The following RIPK1 variants were observed in gnomAD, a reference collection of about 807,000 sequenced individuals.
RIPK1 encodes receptor-interacting serine/threonine-protein kinase 1.
A neutral mutation model predicts 62.4 loss-of-function variants in RIPK1; 27 were observed. That is an observed-to-expected ratio of 0.43 (90% CI 0.32 to 0.60). The LOEUF (loss-of-function observed/expected upper bound fraction) is 0.60, where lower values mean the gene tolerates loss of function less well. Among genes scored for constraint, RIPK1 ranks in the 20% least tolerant of loss-of-function variants. The pLI is 0.07. For missense variants in RIPK1, 735 were observed against 831.0 expected (o/e 0.88, Z 1.42); for synonymous variants, 287 against 303.2 (o/e 0.95, Z 0.55).
At chr6:3,065,140 C>T (rs1758320613), upstream of RIPK1, among the ~76,000 whole-genome samples, 3 of 151,688 alleles carry the variant, frequency 2.0e-5, no homozygotes. Context: ...GCCTGTAGTC[C>T]CAGCTACTCG....
rs372658949 is a variant in RIPK1 at position 3,077,839 on chromosome 6, G to A, written c.225G>A (p.Val75=). 2 of 1,614,218 alleles carry A rather than the reference G, an allele frequency of 1.2e-6. No individual in the cohort carries two copies. Among genetic ancestry groups the A allele is most frequent in the African/African-American group, 2.7e-5 (2 of 75,062 alleles). Residue 75 remains valine (V), a synonymous_variant, in exon 3 of 11, where the codon GTG becomes GTA. Coordinates refer to ENST00000259808, the MANE Select transcript of RIPK1 (RefSeq NM_001354930.2). ...KMMNRLRHSR[V]VKLLGVIIEE... ...TGAACAGACTGAGACACAGCCGGGT[G>A]GTGAAGCTCCTGGGCGTCATCATAG...
chr6:3,098,179 A>G (rs190114217), intron 7 of RIPK1, among the ~76,000 whole-genome samples: 38 of 152,256 alleles, frequency 2.5e-4, no homozygotes, highest in African/African-American at 8.9e-4. Flanking sequence ...CCCATCTCCA[A>G]TAAATAAATA....
chr6:3,064,183 G>A (rs1194014327), upstream of RIPK1: 1 of 152,382 alleles, frequency 6.6e-6, no homozygotes, highest in African/African-American at 2.4e-5. Flanking sequence ...GCCCCGGGGA[G>A]GCGGTGGTGT....
rs1227284186 is a variant in RIPK1 at position 3,113,848 on chromosome 6, G to T, written c.*509G>T. 6.5e-6 allele frequency: 1 copy of T among 152,710 alleles called. No individual in the cohort carries two copies. The allele number at this position is 152,710 out of a possible 1,614,324, so 9.5% of individuals were successfully genotyped here. On this transcript the variant is annotated 3_prime_UTR_variant, in exon 11 of 11. Coordinates refer to ENST00000259808, the MANE Select transcript of RIPK1 (RefSeq NM_001354930.2). The surrounding 1 kb of genome is among the most constrained non-coding windows in gnomAD (Gnocchi z 5.0). Reference sequence around the variant, plus strand: ...ATTGTGTGCTCTCTTCTTCACGTAGGCTCCTGTTAAAAACAAAGTGCAGTC... The same window carrying T: ...ATTGTGTGCTCTCTTCTTCACGTAGTCTCCTGTTAAAAACAAAGTGCAGTC...
rs1408697328 is a variant in RIPK1 at position 3,083,201 on chromosome 6, C to T, written c.576C>T (p.Tyr192=). ...TAKKNGGTLY[Y]MAPEHLNDVN... Reference sequence around the variant, plus strand: ...AGAAGAATGGCGGCACCCTCTACTACATGGCGCCCGAGCACCTGAATGACG... The same window carrying T: ...AGAAGAATGGCGGCACCCTCTACTATATGGCGCCCGAGCACCTGAATGACG... Residue 192 remains tyrosine (Y), a synonymous_variant, in exon 5 of 11, where the codon TAC becomes TAT. Coordinates refer to ENST00000259808, the MANE Select transcript of RIPK1 (RefSeq NM_001354930.2). 6.2e-7 allele frequency: 1 copy of T among 1,614,080 alleles called. No individual in the cohort carries two copies. Among genetic ancestry groups the T allele is most frequent in the Non-Finnish European group, 8.5e-7 (1 of 1,179,992 alleles).
At chr6:3,103,334 G>A (rs374632307) in intron 7 of RIPK1, among the ~76,000 whole-genome samples, 253 of 147,374 alleles carry the variant, frequency 1.7e-3, no homozygotes, top group African/African-American at 6.2e-3. Flanking sequence ...ATCTTGCTCT[G>A]TCGCCACCCA....
At chr6:3,069,411 G>A (rs1758573380) in intron 1 of RIPK1, among the ~76,000 whole-genome samples, 1 of 151,970 alleles carries the variant, frequency 6.6e-6, no homozygotes, top group Non-Finnish European at 1.5e-5. Flanking sequence ...AAGAGGATAG[G>A]CTGCATCCTC....
intron 2 of RIPK1, among the ~76,000 whole-genome samples, 157 bp downstream of exon 2, chr6:3,077,144 C>T (rs961498172): frequency 4.6e-5 from 7 of 151,972 alleles, no homozygotes; most frequent in South Asian, 4.1e-4. Context: ...TTGTTATTGT[C>T]GCTGATGTGG....
chr6:3,081,241 A>T (rs916560286), intron 4 of RIPK1, 125 bp downstream of exon 4: 2 of 1,097,916 alleles, frequency 1.8e-6, no homozygotes, highest in Admixed American at 2.5e-5. Context: ...ACTGTTGATG[A>T]TGGTGCCGAA....
chr6:3,075,712 C>T (rs370684323), intron 1 of RIPK1, among the ~76,000 whole-genome samples: 1 of 152,116 alleles, frequency 6.6e-6, no homozygotes, highest in African/African-American at 2.4e-5. Context: ...TTTGCTTTAG[C>T]CTATAACCTC....
Position 3,090,843 on chromosome 6 carries a change from A to C in RIPK1, c.915+1186A>C, listed in dbSNP as rs12110720. On this transcript the variant is annotated intron_variant, in intron 7 of 10. Transcript: ENST00000259808. ...CGCAGCGCACCTACCTGCCGCACCTAGTAACCGCAGAGTACCTACCTGCCG... is the reference window on the plus strand; with the variant it reads ...CGCAGCGCACCTACCTGCCGCACCTCGTAACCGCAGAGTACCTACCTGCCG... 1.0e-4 allele frequency among the ~76,000 whole-genome samples: 11 copies of C among 110,148 alleles called. No homozygotes were observed. The East Asian group carries it at 1.0e-3, about 10-fold the overall frequency. 72.3% of individuals were successfully genotyped at this position (110,148 alleles called of 152,430 possible).
intron 4 of RIPK1, among the ~76,000 whole-genome samples, chr6:3,082,829 T>TC (rs1224740600): frequency 6.6e-6 from 1 of 152,156 alleles, no homozygotes; most frequent in Non-Finnish European, 1.5e-5. Context: ...GCTTTTCCCC[T>TC]CCCCCTTACT....
upstream of RIPK1, among the ~76,000 whole-genome samples, chr6:3,066,751 C>T (rs141253114): frequency 6.6e-6 from 1 of 152,236 alleles, no homozygotes; most frequent in Non-Finnish European, 1.5e-5. Context: ...AAAACATATA[C>T]ATTATCAGCC....
At chr6:3,068,382 G>C (rs1057079951), upstream of RIPK1, 1 of 985,366 alleles carries the variant, frequency 1.0e-6, no homozygotes, top group African/African-American at 1.7e-5. Flanking sequence ...TAGCCCGCAA[G>C]AGAGCTCCGG....
At chr6:3,087,995 C>G (rs974552778) in intron 6 of RIPK1, among the ~76,000 whole-genome samples, 10 of 152,306 alleles carry the variant, frequency 6.6e-5, no homozygotes, top group African/African-American at 2.4e-4. Flanking sequence ...AAATCCTTGA[C>G]AGGTAATTCT....
Position 3,086,695 on chromosome 6 carries a change from G to T in RIPK1, c.838+1287G>T, listed in dbSNP as rs971125124. Among the ~76,000 whole-genome samples, 3 of 152,234 alleles carry T rather than the reference G, an allele frequency of 2.0e-5. No homozygotes were observed. In the East Asian group the frequency reaches 5.8e-4, roughly 29 times the overall value. ...GCCTTTCAAGACACACCGCATTCCA[G>T]TGCTTCTGTGTGTTCAGCAACCTCA... On this transcript the variant is annotated intron_variant, in intron 6 of 10. Transcript: ENST00000259808.
chr6:3,106,023 C>T lies in RIPK1; in HGVS notation c.1548C>T (p.Thr516=), dbSNP rs531280225. Residue 516 remains threonine (T), a synonymous_variant, in exon 9 of 11, where the codon ACC becomes ACT. Coordinates refer to ENST00000259808, the MANE Select transcript of RIPK1 (RefSeq NM_001354930.2). ...CCAACTATCTAGGAAATACACCCACCATGCCATTCAGCTCCTTGCCACCAA... is the reference window on the plus strand; with the variant it reads ...CCAACTATCTAGGAAATACACCCACTATGCCATTCAGCTCCTTGCCACCAA... ...PETNYLGNTP[T]MPFSSLPPTD... is the part of the protein sequence containing the mutation. The T allele has an allele frequency of 7.5e-6, 12 of 1,609,910 alleles. No individual in the cohort carries two copies. The African/African-American group carries it at 1.1e-4, about 14-fold the overall frequency.
chr6:3,076,912 A>G lies in RIPK1; in HGVS notation c.89A>G (p.Lys30Arg). The G allele has an allele frequency of 6.2e-7, 1 of 1,607,944 alleles. No homozygotes were observed. The highest frequency in any genetic ancestry group is 8.5e-7 in the Non-Finnish European group (1 of 1,176,324). ...GAACTGGACAGCGGAGGCTTTGGGAAGGTGTCTCTGTGTTTCCACAGAACC... is the reference window on the plus strand; with the variant it reads ...GAACTGGACAGCGGAGGCTTTGGGAGGGTGTCTCTGTGTTTCCACAGAACC... The part of the protein sequence containing the change: ...SAELDSGGFG[K>R]VSLCFHRTQG... Residue 30 changes from lysine (K) to arginine (R), a missense_variant, in exon 2 of 11, where the codon AAG (lysine) becomes AGG (arginine). Coordinates refer to ENST00000259808, the MANE Select transcript of RIPK1 (RefSeq NM_001354930.2).
At chr6:3,102,811 T>C (rs1358995538) in intron 7 of RIPK1, among the ~76,000 whole-genome samples, 3 of 152,038 alleles carry the variant, frequency 2.0e-5, no homozygotes, top group African/African-American at 7.2e-5. Context: ...CACCATGTTG[T>C]CCAGGCTGGT....
Sources: gnomAD v4.1 joint callset for allele counts (sites outside exome capture counted in the v4.1 genomes callset) on GRCh38, gnomAD v4.1.1 for gene constraint, Gnocchi (gnomAD v3.1) non-coding constraint, MANE v1.5 for transcripts, NCBI Gene and HGNC (gene_info 2026-07-23, HGNC 2026-07-21) for gene names.